The following SEC22A variants were observed in gnomAD, a reference collection of about 807,000 sequenced individuals.
SEC22A encodes the protein vesicle-trafficking protein SEC22a.
A neutral mutation model predicts 35.3 loss-of-function variants in SEC22A; 22 were observed. The observed-to-expected ratio is 0.62, with a 90% CI of 0.45 to 0.89. The LOEUF (loss-of-function observed/expected upper bound fraction) is 0.89, where lower values mean the gene tolerates loss of function less well. SEC22A is among the 40% of genes least tolerant of loss of function. SEC22A has a pLI of 0.00. For missense variants in SEC22A, 354 were observed against 362.5 expected, an observed-to-expected ratio of 0.98 and a Z score of 0.19; for synonymous variants, 119 against 129.5, an observed-to-expected ratio of 0.92 and a Z score of 0.55.
chr3:123,210,129 G>A (rs9855101), intron 2 of SEC22A, among the ~76,000 whole-genome samples: 29,849 of 152,146 alleles, frequency 0.2, 3,034 homozygotes, highest in Middle Eastern at 0.28. Flanking sequence ...AAGCCATTGG[G>A]TAGTTTTAAG....
Position 123,203,515 on chromosome 3 carries a change from A to G in SEC22A, c.-20+1529A>G, listed in dbSNP as rs1024391548. 4.6e-5 allele frequency among the ~76,000 whole-genome samples: 7 copies of G among 152,334 alleles called. 1 individual carries two copies. In the South Asian group the frequency reaches 8.3e-4, roughly 18 times the overall value. The stretch of plus-strand genomic sequence containing the variant: ...AAAACAAGCCTATGAGATAGATGCT[A>G]TTAGTAGCCACAATATATAGATGTG... On this transcript the variant is annotated intron_variant, in intron 1 of 6. Coordinates refer to ENST00000492595, the MANE Select transcript of SEC22A (RefSeq NM_012430.5).
At chr3:123,229,938 T>C (rs923509631) in intron 4 of SEC22A, among the ~76,000 whole-genome samples, 27 of 151,510 alleles carry the variant, frequency 1.8e-4, no homozygotes, top group African/African-American at 6.3e-4. Flanking sequence ...ATAATTTGAA[T>C]CCATTTGAAA....
intron 4 of SEC22A, chr3:123,243,843 T>C (rs1417523914): frequency 6.6e-6 from 1 of 152,246 alleles, no homozygotes; most frequent in East Asian, 1.9e-4. Context: ...AAACCATTGG[T>C]ACATTTTCAG....
chr3:123,269,450 CTTA>C lies in SEC22A; in HGVS notation c.724-2068_724-2066del, dbSNP rs148702746. Among the ~76,000 whole-genome samples, 746 of 152,004 alleles carry C rather than the reference CTTA, an allele frequency of 4.9e-3. 7 individuals are homozygous for C. Among genetic ancestry groups the C allele is most frequent in the African/African-American group, 0.017 (698 of 41,474 alleles). On this transcript the variant is annotated intron_variant, in intron 6 of 6. Transcript: ENST00000492595. ...TAATTGCAAAGGGAATAGATACCAC[CTTA>C]TTAAGTGATCTAATTTAATATGTAA...
intron 2 of SEC22A, among the ~76,000 whole-genome samples, chr3:123,221,470 CAAAA>C (rs56800842): frequency 0.01 from 622 of 60,564 alleles, 2 homozygotes; most frequent in African/African-American, 0.039. Flanking sequence ...GAGTCCATCT[CAAAA>C]AAAAAAAAAA....
At position 123,271,823 on chromosome 3, in the gene SEC22A, T is replaced by C. The variant is rs1471578747; in HGVS notation, c.*101T>C. The C allele has an allele frequency of 2.1e-6, 2 of 967,462 alleles. No individual in the cohort carries two copies. Among genetic ancestry groups the C allele is most frequent in the Non-Finnish European group, 3.1e-6 (2 of 649,884 alleles). The allele number at this position is 967,462 out of a possible 1,614,324, so 59.9% of individuals were successfully genotyped here. A position where few individuals can be genotyped will look rare whatever the true frequency, so the allele number is the denominator to read the frequency against. ...AAGCTGTTCCCCACAGAGGAGAAGCTCTGCTTTCTTTCTCTCCAACTTTCC... is the reference window on the plus strand; with the variant it reads ...AAGCTGTTCCCCACAGAGGAGAAGCCCTGCTTTCTTTCTCTCCAACTTTCC... On this transcript the variant is annotated 3_prime_UTR_variant, in exon 7 of 7. Coordinates refer to ENST00000492595, the MANE Select transcript of SEC22A (RefSeq NM_012430.5).
At chr3:123,257,313 A>C (rs1937755108) in intron 5 of SEC22A, among the ~76,000 whole-genome samples, 3 of 152,148 alleles carry the variant, frequency 2.0e-5, no homozygotes, top group Admixed American at 1.3e-4. Context: ...TTTATTTTTC[A>C]AAAGAGGAAA....
chr3:123,271,314 A>G (rs188394364), intron 6 of SEC22A, among the ~76,000 whole-genome samples: 1 of 152,286 alleles, frequency 6.6e-6, no homozygotes, highest in Admixed American at 6.5e-5. Context: ...AAAATGAAAA[A>G]CTTAAGAGGA....
chr3:123,215,990 A>G (rs1258049559), intron 2 of SEC22A, among the ~76,000 whole-genome samples: 2 of 152,308 alleles, frequency 1.3e-5, no homozygotes, highest in South Asian at 2.1e-4. Context: ...CAACCAACCT[A>G]TAACTACTAA....
intron 2 of SEC22A, among the ~76,000 whole-genome samples, chr3:123,217,906 G>A (rs1937061097): frequency 6.6e-6 from 1 of 152,164 alleles, no homozygotes; most frequent in Non-Finnish European, 1.5e-5. Context: ...CCCTATGCTA[G>A]GTGTTCTGTC....
chr3:123,244,689 A>G (rs1369266818), intron 4 of SEC22A, among the ~76,000 whole-genome samples: 1 of 152,206 alleles, frequency 6.6e-6, no homozygotes, highest in Non-Finnish European at 1.5e-5. Context: ...ATGTTCTGCT[A>G]TAATGGCTGA....
chr3:123,271,860 C>T lies in SEC22A; in HGVS notation c.*138C>T. 1 of 685,280 alleles carries T rather than the reference C, an allele frequency of 1.5e-6. No homozygotes were observed. The highest frequency in any genetic ancestry group is 2.4e-6 in the Non-Finnish European group (1 of 411,178). 42.4% of individuals were successfully genotyped at this position (685,280 alleles called of 1,614,324 possible). A position where few individuals can be genotyped will look rare whatever the true frequency, so the allele number is the denominator to read the frequency against. On this transcript the variant is annotated 3_prime_UTR_variant, in exon 7 of 7. Coordinates refer to ENST00000492595, the MANE Select transcript of SEC22A (RefSeq NM_012430.5). ...CTCTCCAACTTTCCTTTTTTAAAAT[C>T]AGCATGATGTGCCTGTGAGCATGGA...
At chr3:123,265,467 GT>G (rs939986934) in intron 6 of SEC22A, among the ~76,000 whole-genome samples, 76 of 141,016 alleles carry the variant, frequency 5.4e-4, no homozygotes, top group East Asian at 3.1e-3. Context: ...TTCCCAGTCA[GT>G]TTTTTTTTTT....
intron 6 of SEC22A, among the ~76,000 whole-genome samples, chr3:123,268,488 T>C (rs1306741326): frequency 6.6e-6 from 1 of 152,198 alleles, no homozygotes; most frequent in Non-Finnish European, 1.5e-5. Context: ...TTACATATAA[T>C]GTCCAGTGTT....
intron 6 of SEC22A, among the ~76,000 whole-genome samples, chr3:123,263,818 T>C (rs1937956795): frequency 1.3e-5 from 2 of 152,206 alleles, no homozygotes; most frequent in Non-Finnish European, 2.9e-5. Flanking sequence ...GTCAGCATAA[T>C]TCTCTGGAGA....
chr3:123,217,812 GC>G (rs1340333905), intron 2 of SEC22A, among the ~76,000 whole-genome samples: 2 of 152,172 alleles, frequency 1.3e-5, no homozygotes, highest in African/African-American at 4.8e-5. Context: ...ACTGTGATAA[GC>G]ACATCCCCAG....
At chr3:123,239,679 G>GT (rs1273115741) in intron 4 of SEC22A, among the ~76,000 whole-genome samples, 1 of 151,960 alleles carries the variant, frequency 6.6e-6, no homozygotes, top group Non-Finnish European at 1.5e-5. Context: ...GGGGTTGTTT[G>GT]TTTTTTTCTT....
intron 4 of SEC22A, among the ~76,000 whole-genome samples, chr3:123,229,072 G>C (rs1409430576): frequency 1.3e-5 from 2 of 152,184 alleles, no homozygotes; most frequent in African/African-American, 2.4e-5. Context: ...AAAAATATTT[G>C]AGGAAATAAT....
chr3:123,212,423 T>A (rs1347862241), intron 2 of SEC22A, among the ~76,000 whole-genome samples: 3 of 152,184 alleles, frequency 2.0e-5, no homozygotes, highest in Non-Finnish European at 2.9e-5. Context: ...TGGGTCATTA[T>A]TCTGAGTTTT....
Sources: gnomAD v4.1 joint callset for allele counts (sites outside exome capture counted in the v4.1 genomes callset) on GRCh38, gnomAD v4.1.1 for gene constraint, MANE v1.5 for transcripts, NCBI Gene and HGNC (gene_info 2026-07-23, HGNC 2026-07-21) for gene names.